SMPD3: variants seen among roughly 807,000 people sequenced by gnomAD.
SMPD3 encodes sphingomyelin phosphodiesterase 3, also known as nSMase-2.
In SMPD3, 21 loss-of-function variants were observed where a neutral mutation model predicts 55.7. The observed-to-expected ratio is 0.38, with a 90% CI of 0.27 to 0.54. The LOEUF is 0.54. SMPD3 is among the 20% of genes least tolerant of loss of function. The probability of loss-of-function intolerance (pLI) is 0.80; values close to 1 mark genes in which losing one functional copy is unlikely to be tolerated. For missense variants in SMPD3, 842 were observed against 899.6 expected, an observed-to-expected ratio of 0.94 and a Z score of 0.82; for synonymous variants, 457 against 404.3, an observed-to-expected ratio of 1.13 and a Z score of -1.56.
intron 7 of SMPD3, among the ~76,000 whole-genome samples, chr16:68,362,984 TGTTCTTTATGGA>T (rs1382453479): frequency 6.6e-6 from 1 of 152,366 alleles, no homozygotes; most frequent in East Asian, 1.9e-4. Flanking sequence ...CTCTCAGATG[TGTTCTTTATGGA>T]CATCTTACTG....
intron 5 of SMPD3, 82 bp downstream of exon 5, chr16:68,364,669 C>T (rs1294114998): frequency 1.4e-6 from 2 of 1,464,052 alleles, no homozygotes; most frequent in Non-Finnish European, 1.9e-6. Flanking sequence ...CTTTGAGCTG[C>T]CTAACGAAGT....
At chr16:68,392,299 G>A (rs1302568391) in intron 1 of SMPD3, among the ~76,000 whole-genome samples, 1 of 152,132 alleles carries the variant, frequency 6.6e-6, no homozygotes, top group Non-Finnish European at 1.5e-5. Flanking sequence ...ATTATAAAAT[G>A]TTAGTAGTTA....
intron 1 of SMPD3, among the ~76,000 whole-genome samples, chr16:68,413,942 C>A (rs939266548): frequency 1.3e-5 from 2 of 152,188 alleles, no homozygotes; most frequent in African/African-American, 4.8e-5. Flanking sequence ...ACACTCAGAA[C>A]CTTCTCACCA....
intron 1 of SMPD3, among the ~76,000 whole-genome samples, chr16:68,442,896 C>T (rs1237716056): frequency 1.3e-5 from 2 of 152,196 alleles, no homozygotes; most frequent in Non-Finnish European, 1.5e-5. Flanking sequence ...CAGTAGCAGC[C>T]TTTGCTCCTT....
rs2089174215 is a variant in SMPD3 at position 68,360,275 on chromosome 16, A to C, written c.*931T>G. The C allele has an allele frequency of 6.6e-6, 1 of 152,332 alleles. No individual in the cohort carries two copies. Among genetic ancestry groups the C allele is most frequent in the African/African-American group, 2.4e-5 (1 of 41,434 alleles). The allele number at this position is 152,332 out of a possible 1,614,324, so 9.4% of individuals were successfully genotyped here. On this transcript the variant is annotated 3_prime_UTR_variant, in exon 9 of 9. Transcript: ENST00000219334. ...GGATGTGTTGGTTTTGATAGAAGAG[A>C]AGCTACAAATAGATTATTTTCAAAA...
chr16:68,413,959 C>G (rs763795977), intron 1 of SMPD3, among the ~76,000 whole-genome samples: 1 of 152,230 alleles, frequency 6.6e-6, no homozygotes, highest in Non-Finnish European at 1.5e-5. Context: ...ACCATCCTAG[C>G]TGTGACTTTC....
At chr16:68,428,994 A>G (rs1449338665) in intron 1 of SMPD3, among the ~76,000 whole-genome samples, 1 of 152,222 alleles carries the variant, frequency 6.6e-6, no homozygotes, top group East Asian at 1.9e-4. Context: ...TGATGTAACT[A>G]TATCTGGCTG....
chr16:68,422,181 G>A (rs1482165770), intron 1 of SMPD3, among the ~76,000 whole-genome samples: 2 of 152,222 alleles, frequency 1.3e-5, no homozygotes, highest in African/African-American at 2.4e-5. Flanking sequence ...TTTTAGCTCA[G>A]TGAAATTGAT....
chr16:68,439,714 G>C (rs2090551639), intron 1 of SMPD3, among the ~76,000 whole-genome samples: 1 of 152,052 alleles, frequency 6.6e-6, no homozygotes, highest in African/African-American at 2.4e-5. Flanking sequence ...TATTTCTTTG[G>C]CTGTCTTCCT....
intron 2 of SMPD3, among the ~76,000 whole-genome samples, chr16:68,385,677 G>C (rs1046316413): frequency 2.0e-5 from 3 of 152,184 alleles, no homozygotes; most frequent in African/African-American, 7.2e-5. Flanking sequence ...TCTTACAGTA[G>C]TCTTGTTTTC....
Position 68,427,972 on chromosome 16 carries a change from G to T in SMPD3, c.-269+20381C>A, listed in dbSNP as rs551126875. On this transcript the variant is annotated intron_variant, in intron 1 of 8. Transcript: ENST00000219334. ...AAAGGAAAGATGAAGACTTCAGAGA[G>T]GGGAGGGTCTCATGCCACTTAGTGG... Among the ~76,000 whole-genome samples, 14 of 152,244 alleles carry T rather than the reference G, an allele frequency of 9.2e-5. No homozygotes were observed. The South Asian group carries it at 2.9e-3, about 32-fold the overall frequency.
At chr16:68,411,373 A>G (rs1479947348) in intron 1 of SMPD3, among the ~76,000 whole-genome samples, 2 of 152,222 alleles carry the variant, frequency 1.3e-5, no homozygotes, top group Non-Finnish European at 2.9e-5. Flanking sequence ...GACAACCACC[A>G]TCCTCTACAA....
intron 1 of SMPD3, among the ~76,000 whole-genome samples, chr16:68,440,316 C>A (rs151172804): frequency 6.6e-6 from 1 of 152,212 alleles, no homozygotes; most frequent in Admixed American, 6.5e-5. Flanking sequence ...CCCACCTCAG[C>A]CTCCTCCTGA....
chr16:68,381,001 C>T (rs1261863262), intron 2 of SMPD3, among the ~76,000 whole-genome samples: 1 of 152,240 alleles, frequency 6.6e-6, no homozygotes, highest in Non-Finnish European at 1.5e-5. Flanking sequence ...GGAATCATTT[C>T]ACATTCAGTC....
chr16:68,403,226 A>C (rs959818723), intron 1 of SMPD3, among the ~76,000 whole-genome samples: 12 of 152,108 alleles, frequency 7.9e-5, no homozygotes, highest in Non-Finnish European at 7.3e-5. Context: ...TTTCTTTCCA[A>C]AACATCACCA....
At chr16:68,425,626 A>T (rs2090430597) in intron 1 of SMPD3, among the ~76,000 whole-genome samples, 1 of 152,210 alleles carries the variant, frequency 6.6e-6, no homozygotes, top group Non-Finnish European at 1.5e-5. Flanking sequence ...GGGAGGTGGC[A>T]GCGCCATGGG....
chr16:68,388,273 T>C (rs954437295), intron 1 of SMPD3, among the ~76,000 whole-genome samples: 1 of 151,972 alleles, frequency 6.6e-6, no homozygotes. Context: ...TCCCCACCCA[T>C]AGCCTGGGGA....
intron 1 of SMPD3, among the ~76,000 whole-genome samples, chr16:68,387,552 C>T (rs2090069015): frequency 6.6e-6 from 1 of 152,222 alleles, no homozygotes; most frequent in Admixed American, 6.5e-5. Flanking sequence ...CCCGTTGGCC[C>T]AGTCCCAGGC....
At position 68,387,924 on chromosome 16, in the gene SMPD3, A is replaced by G. The variant is rs199641381; in HGVS notation, c.-268-1265T>C. Among the ~76,000 whole-genome samples, 5 of 152,320 alleles carry G rather than the reference A, an allele frequency of 3.3e-5. No homozygotes were observed. The East Asian group carries it at 9.6e-4, about 29-fold the overall frequency. On this transcript the variant is annotated intron_variant, in intron 1 of 8. Coordinates refer to ENST00000219334, the MANE Select transcript of SMPD3 (RefSeq NM_018667.4). ...AGGAGCGCCTCCTCTGCGGCAAACAATTGGCTCCCTTCTCACTAGGAATTT... is the reference window on the plus strand; with the variant it reads ...AGGAGCGCCTCCTCTGCGGCAAACAGTTGGCTCCCTTCTCACTAGGAATTT...
Sources: gnomAD v4.1 joint callset for allele counts (sites outside exome capture counted in the v4.1 genomes callset) on GRCh38, gnomAD v4.1.1 for gene constraint, MANE v1.5 for transcripts, NCBI Gene and HGNC (gene_info 2026-07-23, HGNC 2026-07-21) for gene names.